The following CNGB1 variants were observed in gnomAD, a reference collection of about 807,000 sequenced individuals.
The protein encoded by CNGB1 is cyclic nucleotide gated channel subunit beta 1.
In CNGB1, 126 loss-of-function variants were observed where a neutral mutation model predicts 151.7. The ratio of observed to expected loss-of-function variants is 0.83; its 90% confidence interval spans 0.72 to 0.96. CNGB1 has a LOEUF of 0.96. Ranked by LOEUF, CNGB1 falls within the 40% of genes least tolerant of loss-of-function variation. CNGB1 has a pLI of 0.00. For missense variants in CNGB1, 1,698 were observed against 1,627.0 expected (o/e 1.04, Z -0.75); for synonymous variants, 623 against 635.1 (o/e 0.98, Z 0.29).
intron 27 of CNGB1, among the ~76,000 whole-genome samples, chr16:57,903,185 CTTT>C (rs60099371): frequency 3.3e-5 from 4 of 122,678 alleles, no homozygotes; most frequent in Admixed American, 8.4e-5. Context: ...GTCCTTCTTC[CTTT>C]TTTTTTTTTT....
At chr16:57,941,731 G>T (rs570513483) in intron 14 of CNGB1, among the ~76,000 whole-genome samples, 2 of 152,292 alleles carry the variant, frequency 1.3e-5, no homozygotes, top group African/African-American at 2.4e-5. Flanking sequence ...TGACAAGCCC[G>T]CAGCTGACAT....
chr16:57,952,341 C>A (rs544119056), intron 12 of CNGB1, among the ~76,000 whole-genome samples: 1 of 152,158 alleles, frequency 6.6e-6, no homozygotes, highest in Non-Finnish European at 1.5e-5. Context: ...ATGTGCCCCA[C>A]GAGCGCCTCA....
At chr16:57,894,686 G>A (rs1169157185) in intron 31 of CNGB1, among the ~76,000 whole-genome samples, 1 of 152,182 alleles carries the variant, frequency 6.6e-6, no homozygotes, top group Non-Finnish European at 1.5e-5. Context: ...TTGATGCAAC[G>A]AGCCACGTAA....
At chr16:57,931,643 T>A in intron 17 of CNGB1, 73 bp downstream of exon 17, 1 of 1,547,342 alleles carries the variant, frequency 6.5e-7, no homozygotes, top group South Asian at 1.2e-5. Flanking sequence ...CCCTCTGGCC[T>A]CAGTCTCTTC....
chr16:57,905,026 A>C (rs1031965177), intron 25 of CNGB1, 151 bp from the exon 26 acceptor site: 2 of 939,798 alleles, frequency 2.1e-6, no homozygotes, highest in Admixed American at 4.3e-5. Flanking sequence ...CACCTCCTGC[A>C]CGTGTAGAGC....
chr16:57,939,755 G>A (rs769743236), intron 15 of CNGB1, among the ~76,000 whole-genome samples, 163 bp from the exon 16 acceptor site: 13 of 152,210 alleles, frequency 8.5e-5, no homozygotes, highest in Non-Finnish European at 1.9e-4. Flanking sequence ...GGGCATCCTG[G>A]GAGTAGCCTA....
Position 57,897,804 on chromosome 16 carries a change from T to G in CNGB1, c.3087A>C (p.Gly1029=). 6.2e-7 allele frequency: 1 copy of G among 1,613,992 alleles called. No individual in the cohort carries two copies. The highest frequency in any genetic ancestry group is 8.5e-7 in the Non-Finnish European group (1 of 1,179,964). ...CCCCAGCTGCGTCTGACCTTATTTC[T>G]CCAAACACAGATCCAGCTTTCAGCG... The part of the protein sequence containing the change: ...LVTLKAGSVF[G]EISLLAVGGG... The change falls in exon 30 of 33, where the codon GGA becomes GGC. Residue 1029 remains glycine (G), a synonymous_variant. Coordinates refer to ENST00000251102, the MANE Select transcript of CNGB1 (RefSeq NM_001297.5).
chr16:57,907,018 C>T (rs1960569306), intron 25 of CNGB1, among the ~76,000 whole-genome samples: 1 of 152,224 alleles, frequency 6.6e-6, no homozygotes, highest in Non-Finnish European at 1.5e-5. Flanking sequence ...ATTCTTCATG[C>T]TATTGGAATT....
intron 20 of CNGB1, 53 bp downstream of exon 20, chr16:57,919,046 C>T: frequency 6.2e-7 from 1 of 1,613,336 alleles, no homozygotes; most frequent in Non-Finnish European, 8.5e-7. Flanking sequence ...CCCGCTCCAA[C>T]TCTCCTGCTC....
chr16:57,884,809 C>T (rs1959865914), intron 32 of CNGB1, among the ~76,000 whole-genome samples: 1 of 152,040 alleles, frequency 6.6e-6, no homozygotes, highest in Non-Finnish European at 1.5e-5. Flanking sequence ...AGGGAGTACC[C>T]GCAAGGCCTC....
At chr16:57,913,155 G>C (rs533297471) in intron 23 of CNGB1, among the ~76,000 whole-genome samples, 161 bp from the exon 24 acceptor site, 3 of 152,326 alleles carry the variant, frequency 2.0e-5, no homozygotes, top group East Asian at 3.9e-4. Context: ...TGACGGGTAG[G>C]GGCCAGAAAC....
In CNGB1 at chr16:57,962,630, A is replaced by G. The variant is rs924444889; in HGVS notation, c.413-20T>C. Reference sequence around the variant, plus strand: ...TGCACCCTGCAGGGTCAGAAAATACAGAAAGGCAGTCAGCAGCGGGAGACC... The same window carrying G: ...TGCACCCTGCAGGGTCAGAAAATACGGAAAGGCAGTCAGCAGCGGGAGACC... On this transcript the variant is annotated intron_variant, in intron 6 of 32. Coordinates refer to ENST00000251102, the MANE Select transcript of CNGB1 (RefSeq NM_001297.5). The G allele has an allele frequency of 2.5e-6, 4 of 1,613,576 alleles. No homozygotes were observed. Among genetic ancestry groups the G allele is most frequent in the Admixed American group, 1.7e-5 (1 of 60,024 alleles).
chr16:57,948,277 A>G (rs1236306836), intron 14 of CNGB1, among the ~76,000 whole-genome samples: 3 of 150,344 alleles, frequency 2.0e-5, no homozygotes, highest in African/African-American at 7.3e-5. Context: ...AAGGCTTTAC[A>G]ACCTGCTTTT....
At chr16:57,951,572 C>CT (rs1259266320) in intron 12 of CNGB1, among the ~76,000 whole-genome samples, 17 of 152,126 alleles carry the variant, frequency 1.1e-4, no homozygotes, top group African/African-American at 3.9e-4. Context: ...TATCCTGAGA[C>CT]TTTGGCTGTT....
intron 20 of CNGB1, among the ~76,000 whole-genome samples, chr16:57,917,920 A>G (rs1960921294): frequency 6.6e-6 from 1 of 151,966 alleles, no homozygotes; most frequent in Non-Finnish European, 1.5e-5. Flanking sequence ...CAACTGGAAA[A>G]CTCATTTGCT....
At chr16:57,942,750 C>G (rs1226780210) in intron 14 of CNGB1, among the ~76,000 whole-genome samples, 2 of 151,712 alleles carry the variant, frequency 1.3e-5, no homozygotes, top group African/African-American at 4.8e-5. Flanking sequence ...GTGGTCCAAG[C>G]TACTTGGAAG....
At chr16:57,911,995 G>T in intron 24 of CNGB1, 120 bp from the exon 25 acceptor site, 3 of 1,356,876 alleles carry the variant, frequency 2.2e-6, no homozygotes, top group African/African-American at 1.4e-5. Flanking sequence ...TGTTGAGATT[G>T]CACCAGTTAG....
At chr16:57,919,411 G>A (rs779943341) in intron 19 of CNGB1, among the ~76,000 whole-genome samples, 157 bp from the exon 20 acceptor site, 3 of 152,198 alleles carry the variant, frequency 2.0e-5, no homozygotes, top group Admixed American at 1.3e-4. Flanking sequence ...AACCCAAGGT[G>A]CTCTTCTGGA....
Position 57,904,820 on chromosome 16 carries a change from G to T in CNGB1, c.2548C>A (p.Pro850Thr). Residue 850 changes from proline (P) to threonine (T), a missense_variant, in exon 26 of 33, where the codon CCT becomes ACT. By Grantham distance (38) the Pro-to-Thr change is conservative. Coordinates refer to ENST00000251102, the MANE Select transcript of CNGB1 (RefSeq NM_001297.5). ...ATTTCAAAGAGTGTCTTGGGGTCAG[G>T]CAGCCCCCCGATGGTGATGAGGGTC... ...VKTLITIGGL[P>T]DPKTLFEIVF... 1 of 1,614,134 alleles carries T rather than the reference G, an allele frequency of 6.2e-7. No individual in the cohort carries two copies. Among genetic ancestry groups the T allele is most frequent in the Non-Finnish European group, 8.5e-7 (1 of 1,180,008 alleles).
Sources: allele counts gnomAD v4.1 joint callset (sites outside exome capture counted in the v4.1 genomes callset), GRCh38; gene constraint gnomAD v4.1.1; transcripts MANE v1.5; gene names NCBI Gene and HGNC (gene_info 2026-07-23, HGNC 2026-07-21).